Variants in FRAS1 observed in about 807,000 individuals in gnomAD.
FRAS1 encodes extracellular matrix organizing protein FRAS1.
A neutral mutation model predicts 435.2 loss-of-function variants in FRAS1; 290 were observed. The observed-to-expected ratio is 0.67, with a 90% CI of 0.61 to 0.73. The LOEUF is 0.73. FRAS1 is among the 30% of genes least tolerant of loss of function. The probability of loss-of-function intolerance (pLI) is 0.00; values close to 1 mark genes in which losing one functional copy is unlikely to be tolerated. For missense variants in FRAS1, 4,860 were observed against 5,001.5 expected (o/e 0.97, Z 0.85); for synonymous variants, 1,800 against 1,851.0 (o/e 0.97, Z 0.71).
chr4:78,419,128 A>G (rs1478029484), intron 33 of FRAS1, 65 bp downstream of exon 33: 2 of 879,998 alleles, frequency 2.3e-6, no homozygotes, highest in East Asian at 2.8e-5. Flanking sequence ...ACCAGTCTTA[A>G]TATCTCTGGA....
At chr4:78,099,014 C>T (rs1741971484) in intron 2 of FRAS1, among the ~76,000 whole-genome samples, 1 of 152,178 alleles carries the variant, frequency 6.6e-6, no homozygotes, top group Non-Finnish European at 1.5e-5. Flanking sequence ...CCAAAATCAG[C>T]CTGTTGTACT....
At chr4:78,115,508 C>A (rs912983637) in intron 2 of FRAS1, among the ~76,000 whole-genome samples, 1 of 152,080 alleles carries the variant, frequency 6.6e-6, no homozygotes, top group African/African-American at 2.4e-5. Context: ...AATTTCAGAG[C>A]CTGTTATTGA....
intron 12 of FRAS1, 120 bp from the exon 13 acceptor site, chr4:78,284,285 G>T: frequency 6.8e-6 from 3 of 443,284 alleles, no homozygotes; most frequent in South Asian, 3.3e-5. Context: ...AAGTCCCACA[G>T]TTTTCTGTTC....
chr4:78,141,331 T>A (rs1720173312), intron 2 of FRAS1, among the ~76,000 whole-genome samples: 1 of 152,070 alleles, frequency 6.6e-6, no homozygotes, highest in Non-Finnish European at 1.5e-5. Flanking sequence ...CTGAATATGG[T>A]CTAGGGATAA....
rs120074157 is a variant in FRAS1, at chr4:78,496,859, C to T, written c.9013C>T (p.Gln3005Ter). The T allele has an allele frequency of 1.2e-6, 2 of 1,613,762 alleles. No homozygotes were observed. The highest frequency in any genetic ancestry group is 1.7e-4 in the Middle Eastern group (1 of 6,058). The change falls in exon 60 of 74, where the codon CAG becomes TAG. Residue 3005 changes from glutamine to a stop codon, truncating the protein, a stop_gained. Coordinates refer to ENST00000512123, the MANE Select transcript of FRAS1 (RefSeq NM_025074.7). LOFTEE classifies it high-confidence loss of function. Reference sequence around the variant, plus strand: ...TGACTCCATGTTTGAGCCAGAGGAACAGTTCAGGGTCTACCTCGGCCTTCC... The same window carrying T: ...TGACTCCATGTTTGAGCCAGAGGAATAGTTCAGGGTCTACCTCGGCCTTCC... ...HDDSMFEPEE[Q>*]FRVYLGLPLG...
chr4:78,504,769 G>A (rs1720782873), intron 61 of FRAS1, among the ~76,000 whole-genome samples: 1 of 152,186 alleles, frequency 6.6e-6, no homozygotes, highest in South Asian at 2.1e-4. Context: ...CTGTCATTAT[G>A]ATATTAGCTG....
At chr4:78,535,457 GC>G (rs1721851065) in intron 71 of FRAS1, among the ~76,000 whole-genome samples, 1 of 152,132 alleles carries the variant, frequency 6.6e-6, no homozygotes, top group Admixed American at 6.5e-5. Context: ...ACCTAGAGAT[GC>G]CCAAGTCTGG....
intron 2 of FRAS1, among the ~76,000 whole-genome samples, chr4:78,082,068 G>C (rs761756667): frequency 2.0e-5 from 3 of 151,918 alleles, no homozygotes; most frequent in East Asian, 1.9e-4. Flanking sequence ...TTTATCAAAA[G>C]ATGCATGAGT....
chr4:78,145,356 TATATGTATAC>T (rs1234121569), intron 2 of FRAS1, among the ~76,000 whole-genome samples: 1 of 152,218 alleles, frequency 6.6e-6, no homozygotes, highest in Non-Finnish European at 1.5e-5. Flanking sequence ...ATAGTCAGGA[TATATGTATAC>T]ATATACAAGC....
At chr4:78,344,125 G>T (rs1730508206) in intron 20 of FRAS1, among the ~76,000 whole-genome samples, 1 of 151,158 alleles carries the variant, frequency 6.6e-6, no homozygotes, top group Admixed American at 6.6e-5. Flanking sequence ...TCCAGGACCA[G>T]CTTCTGCTTG....
chr4:78,443,931 C>G (rs1718679540), intron 41 of FRAS1, among the ~76,000 whole-genome samples: 1 of 152,196 alleles, frequency 6.6e-6, no homozygotes. Context: ...TCACTGTAGC[C>G]TCGACCTCCC....
chr4:78,475,536 G>C lies in FRAS1; in HGVS notation c.7781G>C (p.Gly2594Ala), dbSNP rs952538503. The C allele has an allele frequency of 2.5e-6, 4 of 1,613,676 alleles. No individual in the cohort carries two copies. In the African/African-American group the frequency reaches 4.0e-5, roughly 16 times the overall value. ...YAIVLCRTEQ[G>A]TASSSSRVSS... ...ATCGTCCTGTGTCGCACCGAGCAAG[G>C]CACCGCCAGCTCCAGCTCCAGGGTC... The change falls in exon 54 of 74, where the codon GGC becomes GCC. Residue 2594 changes from glycine (G) to alanine (A), a missense_variant. Physicochemically the swap from Gly to Ala is moderately conservative, Grantham distance 60 (BLOSUM62 0). Coordinates refer to ENST00000512123, the MANE Select transcript of FRAS1 (RefSeq NM_025074.7).
chr4:78,312,179 CATATAT>C lies in FRAS1; in HGVS notation c.1679-3400_1679-3395del, dbSNP rs10526590. ...TTAGGTTGTCGAGCCATCTGAAGTC[CATATAT>C]ATATATATATATATGGGTTTAAGTA... On this transcript the variant is annotated intron_variant, in intron 15 of 73. Transcript: ENST00000512123. Among the ~76,000 whole-genome samples the C allele has an allele frequency of 4.8e-4, 62 of 128,652 alleles. 1 individual carries two copies. Among genetic ancestry groups the C allele is most frequent in the Admixed American group, 1.2e-3 (16 of 13,204 alleles). 84.4% of individuals were successfully genotyped at this position (128,652 alleles called of 152,430 possible). A position where few individuals can be genotyped will look rare whatever the true frequency, so the allele number is the denominator to read the frequency against.
chr4:78,317,523 A>G lies in FRAS1; in HGVS notation c.1960+15A>G, dbSNP rs769283204. On this transcript the variant is annotated intron_variant, in intron 17 of 73. Transcript: ENST00000512123. ...AGTCTGCAAAGGTATCGTTGGTGTCACCATCATTCTTGAGAGGCTATCCCA... is the reference window on the plus strand; with the variant it reads ...AGTCTGCAAAGGTATCGTTGGTGTCGCCATCATTCTTGAGAGGCTATCCCA... 9 of 1,604,640 alleles carry G rather than the reference A, an allele frequency of 5.6e-6. No homozygotes were observed. Among genetic ancestry groups the G allele is most frequent in the South Asian group, 1.1e-5 (1 of 88,728 alleles).
chr4:78,193,187 T>C lies in FRAS1; in HGVS notation c.109-44323T>C, dbSNP rs1021694005. Among the ~76,000 whole-genome samples the C allele has an allele frequency of 7.9e-5, 12 of 152,360 alleles. No homozygotes were observed. The East Asian group carries it at 9.6e-4, about 12-fold the overall frequency. On this transcript the variant is annotated intron_variant, in intron 2 of 73. Coordinates refer to ENST00000512123, the MANE Select transcript of FRAS1 (RefSeq NM_025074.7). ...TTACACTTGCCAAGGAGTGCTTTAC[T>C]TCCAAGTATGTGGTCAATTTTGGAA...
At chr4:78,274,014 G>T (rs1482228120) in intron 9 of FRAS1, among the ~76,000 whole-genome samples, 3 of 152,150 alleles carry the variant, frequency 2.0e-5, no homozygotes, top group Non-Finnish European at 4.4e-5. Context: ...TCAATTCAGG[G>T]ATTCAACTTC....
At chr4:78,340,872 G>A (rs1484339) in intron 20 of FRAS1, among the ~76,000 whole-genome samples, 15,585 of 152,138 alleles carry the variant, frequency 0.1, 898 homozygotes, top group African/African-American at 0.15. Flanking sequence ...GGTCACATTG[G>A]ATCAGGACCC....
intron 14 of FRAS1, among the ~76,000 whole-genome samples, chr4:78,302,944 C>T (rs2110210417): frequency 6.6e-6 from 1 of 152,244 alleles, no homozygotes; most frequent in South Asian, 2.1e-4. Flanking sequence ...TGCCTATGTC[C>T]TGAATGGTAA....
chr4:78,479,393 A>T lies in FRAS1; in HGVS notation c.8118A>T (p.Val2706=). 1 of 1,499,146 alleles carries T rather than the reference A, an allele frequency of 6.7e-7. No individual in the cohort carries two copies. The allele number at this position is 1,499,146 out of a possible 1,614,324, so 92.9% of individuals were successfully genotyped here. Reference sequence around the variant, plus strand: ...TTTCAGGAGATGCAAGCAGCATTGTATCTGCAATTTGCTACACAGTCCCTA... The same window carrying T: ...TTTCAGGAGATGCAAGCAGCATTGTTTCTGCAATTTGCTACACAGTCCCTA... ...IERKGDASSI[V]SAICYTVPKS... The change falls in exon 56 of 74, where the codon GTA becomes GTT. Residue 2706 remains valine, a synonymous_variant. Transcript: ENST00000512123.
Sources: allele counts gnomAD v4.1 joint callset (sites outside exome capture counted in the v4.1 genomes callset), GRCh38; gene constraint gnomAD v4.1.1; transcripts MANE v1.5; gene names NCBI Gene and HGNC (gene_info 2026-07-23, HGNC 2026-07-21).